The following SBF2 variants were observed in gnomAD, a reference collection of about 807,000 sequenced individuals.
The protein encoded by SBF2 is SET binding factor 2, also known as myotubularin-related protein 13.
In SBF2, 112 loss-of-function variants were observed where a neutral mutation model predicts 225.2. The observed-to-expected ratio is 0.50, with a 90% CI of 0.43 to 0.58. The LOEUF (loss-of-function observed/expected upper bound fraction) is 0.58. Among genes scored for constraint, SBF2 ranks in the 20% least tolerant of loss-of-function variants. SBF2 has a pLI of 0.00. For synonymous variants in SBF2, 763 were observed against 773.3 expected, an observed-to-expected ratio of 0.99 and a Z score of 0.22; for missense variants, 1,996 against 2,206.2, an observed-to-expected ratio of 0.90 and a Z score of 1.91.
intron 1 of SBF2, among the ~76,000 whole-genome samples, chr11:10,236,160 G>A (rs544566445): frequency 2.1e-4 from 32 of 152,130 alleles, no homozygotes; most frequent in South Asian, 1.5e-3. Context: ...CTGAAATAAC[G>A]TTCGATTTAG....
intron 2 of SBF2, among the ~76,000 whole-genome samples, chr11:10,108,862 G>A (rs530688133): frequency 2.0e-5 from 3 of 152,072 alleles, no homozygotes; most frequent in Admixed American, 1.3e-4. Flanking sequence ...GTACCAGTAC[G>A]ACAAACCAGA....
intron 16 of SBF2, among the ~76,000 whole-genome samples, chr11:9,937,287 A>C (rs192402961): frequency 3.1e-4 from 47 of 152,328 alleles, no homozygotes; most frequent in Admixed American, 3.0e-3. Context: ...CACAGAGAAA[A>C]GATAAAGTTT....
At chr11:10,006,626 T>A (rs1948202523) in intron 6 of SBF2, among the ~76,000 whole-genome samples, 1 of 152,196 alleles carries the variant, frequency 6.6e-6, no homozygotes, top group African/African-American at 2.4e-5. Context: ...CACTTTATGT[T>A]AAGAAGACAA....
chr11:10,239,905 TAAG>T (rs1160101196), intron 1 of SBF2, among the ~76,000 whole-genome samples: 6 of 152,174 alleles, frequency 3.9e-5, no homozygotes, highest in African/African-American at 1.2e-4. Context: ...TTTATCTTTG[TAAG>T]AAGAACAGCA....
intron 32 of SBF2, among the ~76,000 whole-genome samples, chr11:9,805,906 C>T (rs1590126353): frequency 1.3e-5 from 2 of 152,308 alleles, no homozygotes; most frequent in South Asian, 2.1e-4. Context: ...CAGGCGTGAG[C>T]CACCACGCCC....
chr11:10,191,940 G>A (rs151157197), intron 2 of SBF2, among the ~76,000 whole-genome samples: 97 of 152,168 alleles, frequency 6.4e-4, no homozygotes, highest in African/African-American at 2.2e-3. Context: ...CCTCTATGAT[G>A]TCTGTTGGTT....
At chr11:9,809,383 A>G (rs1854040965) in intron 30 of SBF2, 1 of 181,822 alleles carries the variant, frequency 5.5e-6, no homozygotes, top group South Asian at 1.1e-4. Context: ...ATGAAATAAA[A>G]TTACCTTACA....
chr11:10,204,183 CATT>C (rs1463304261), intron 1 of SBF2, among the ~76,000 whole-genome samples: 1 of 144,288 alleles, frequency 6.9e-6, no homozygotes, highest in Non-Finnish European at 1.5e-5. Context: ...GCAGACTTCT[CATT>C]ATAAACAGTA....
chr11:10,155,545 G>A (rs185381773), intron 2 of SBF2, among the ~76,000 whole-genome samples: 31 of 150,026 alleles, frequency 2.1e-4, no homozygotes, highest in Non-Finnish European at 3.6e-4. Context: ...AGAACTTTAT[G>A]TGTTCTTTTG....
At chr11:9,789,728 C>T (rs954553849) in intron 34 of SBF2, among the ~76,000 whole-genome samples, 2 of 152,148 alleles carry the variant, frequency 1.3e-5, no homozygotes, top group Admixed American at 6.5e-5. Context: ...ATTATGTATA[C>T]CCCAGCCCAC....
intron 37 of SBF2, 88 bp from the exon 38 acceptor site, chr11:9,784,526 G>C: frequency 9.7e-7 from 1 of 1,027,302 alleles, no homozygotes; most frequent in African/African-American, 1.6e-5. Context: ...TTTTTGTCAA[G>C]TCTCTATTTC....
At chr11:10,268,835 C>T (rs1191345628) in intron 1 of SBF2, among the ~76,000 whole-genome samples, 1 of 152,268 alleles carries the variant, frequency 6.6e-6, no homozygotes, top group South Asian at 2.1e-4. Context: ...AACTCCAATT[C>T]CTTGTTTCAA....
At chr11:10,256,009 T>C (rs1057515405) in intron 1 of SBF2, among the ~76,000 whole-genome samples, 2 of 152,200 alleles carry the variant, frequency 1.3e-5, no homozygotes, top group East Asian at 3.8e-4. Context: ...TGTGCTTTAC[T>C]TACAGGGTGT....
intron 1 of SBF2, among the ~76,000 whole-genome samples, chr11:10,288,227 GCT>G (rs1448547280): frequency 6.6e-6 from 1 of 152,162 alleles, no homozygotes; most frequent in Non-Finnish European, 1.5e-5. Context: ...TTGTGTTAGA[GCT>G]CTTTTACCCT....
At chr11:10,075,227 T>C (rs1951048670) in intron 2 of SBF2, among the ~76,000 whole-genome samples, 1 of 152,238 alleles carries the variant, frequency 6.6e-6, no homozygotes, top group African/African-American at 2.4e-5. Context: ...AACCTCAGTT[T>C]TCCTTGAACA....
At chr11:10,084,527 T>A (rs1049590051) in intron 2 of SBF2, among the ~76,000 whole-genome samples, 1 of 152,120 alleles carries the variant, frequency 6.6e-6, no homozygotes, top group African/African-American at 2.4e-5. Context: ...TATGAAGATA[T>A]CTCAAAGAAC....
At chr11:9,845,797 C>T (rs1856503170) in intron 23 of SBF2, 57 bp from the exon 24 acceptor site, 7 of 1,517,474 alleles carry the variant, frequency 4.6e-6, no homozygotes, top group Non-Finnish European at 6.4e-6. Context: ...TGGCAACTTT[C>T]CCCCAAACAA....
At chr11:9,908,220 G>A (rs989237784) in intron 16 of SBF2, among the ~76,000 whole-genome samples, 1 of 152,122 alleles carries the variant, frequency 6.6e-6, no homozygotes, top group Non-Finnish European at 1.5e-5. Flanking sequence ...TTTTTCTTAT[G>A]TGTTCATTTT....
intron 1 of SBF2, among the ~76,000 whole-genome samples, chr11:10,283,458 C>T (rs58340019): frequency 0.067 from 10,177 of 151,798 alleles, 513 homozygotes; most frequent in East Asian, 0.28. Context: ...TCTCATAGTG[C>T]TTAAATAAAA....
Sources: gnomAD v4.1 joint callset for allele counts (sites outside exome capture counted in the v4.1 genomes callset) on GRCh38, gnomAD v4.1.1 for gene constraint, MANE v1.5 for transcripts, NCBI Gene and HGNC (gene_info 2026-07-23, HGNC 2026-07-21) for gene names.